Variants in IGDCC4 observed in about 807,000 individuals in gnomAD.
IGDCC4 encodes likely ortholog of mouse neighbor of Punc E11.
Under a neutral mutation model 116.6 loss-of-function variants are expected in IGDCC4, and 72 were observed. The observed-to-expected ratio is 0.62, with a 90% CI of 0.51 to 0.75. The LOEUF (loss-of-function observed/expected upper bound fraction) is 0.75. Among genes scored for constraint, IGDCC4 ranks in the 30% least tolerant of loss-of-function variants. IGDCC4 has a pLI of 0.00. For missense variants in IGDCC4, 1,501 were observed against 1,662.4 expected (o/e 0.90, Z 1.69); for synonymous variants, 709 against 719.9 (o/e 0.98, Z 0.24).
At position 65,387,541 on chromosome 15, in the gene IGDCC4, CAG is replaced by C. The variant is rs372783513; in HGVS notation, c.2846-887_2846-886del. 1.2e-4 allele frequency among the ~76,000 whole-genome samples: 19 copies of C among 152,152 alleles called. 1 individual carries two copies. The highest frequency in any genetic ancestry group is 4.6e-4 in the African/African-American group (19 of 41,530). On this transcript the variant is annotated intron_variant, in intron 16 of 19. Transcript: ENST00000352385. ...TTTTTTTTTGTATTTTTAGTAGAGACAGAGTTTCACCGTGTTAGCCAGGATGG... is the reference window on the plus strand; with the variant it reads ...TTTTTTTTTGTATTTTTAGTAGAGACAGTTTCACCGTGTTAGCCAGGATGG...
rs2277583 is a variant in IGDCC4 at position 65,393,357 on chromosome 15, G to C, written c.1885+4C>G. On this transcript the variant is annotated splice_donor_region_variant and intron_variant, in intron 10 of 19. Coordinates refer to ENST00000352385, the MANE Select transcript of IGDCC4 (RefSeq NM_020962.3). This position sits in a 1 kb window ranked among gnomAD's most constrained non-coding sequence, Gnocchi z 4.6. ...ACTGTCCTGTCTCTCCTCTAACCCC[G>C]TACCATGGCTCTGGTTGTGCATACT... 6.2e-5 allele frequency: 100 copies of C among 1,606,986 alleles called. No individual in the cohort carries two copies. The highest frequency in any genetic ancestry group is 7.7e-5 in the Non-Finnish European group (90 of 1,176,148).
At chr15:65,410,531 C>T (rs992165899) in intron 2 of IGDCC4, 1 of 597,194 alleles carries the variant, frequency 1.7e-6, no homozygotes, top group African/African-American at 1.9e-5. Context: ...AGCCCCCCTG[C>T]CCAACATCAT....
intron 1 of IGDCC4, among the ~76,000 whole-genome samples, chr15:65,419,163 C>A (rs2063168727): frequency 1.3e-5 from 2 of 151,866 alleles, no homozygotes; most frequent in Non-Finnish European, 2.9e-5. Context: ...CTCAAGCAAT[C>A]CTCCCACTTC....
At position 65,393,047 on chromosome 15, in the gene IGDCC4, C is replaced by T. The variant is rs961370199; in HGVS notation, c.1885+314G>A. 6.6e-6 allele frequency among the ~76,000 whole-genome samples: 1 copy of T among 152,152 alleles called. No homozygotes were observed. The highest frequency in any genetic ancestry group is 6.5e-5 in the Admixed American group (1 of 15,274). ...AAACAATCATCATCACCATCATCCT[C>T]GAAGCAGCTACAATTCAATGAGTTT... On this transcript the variant is annotated intron_variant, in intron 10 of 19. Transcript: ENST00000352385. The surrounding 1 kb of genome is among the most constrained non-coding windows in gnomAD (Gnocchi z 4.6).
At chr15:65,410,599 A>G (rs2063081883) in intron 2 of IGDCC4, 1 of 506,542 alleles carries the variant, frequency 2.0e-6, no homozygotes. Flanking sequence ...AAGTTACTTC[A>G]TGGTGATCTG....
At chr15:65,422,681 C>G in intron 1 of IGDCC4, 112 bp downstream of exon 1, 2 of 866,190 alleles carry the variant, frequency 2.3e-6, no homozygotes, top group Non-Finnish European at 3.0e-6. Flanking sequence ...GCGCAGCCCC[C>G]GCACTTGCTC....
intron 16 of IGDCC4, among the ~76,000 whole-genome samples, chr15:65,388,169 G>T (rs2091478987): frequency 6.6e-6 from 1 of 151,918 alleles, no homozygotes; most frequent in African/African-American, 2.4e-5. Flanking sequence ...GCTTGAACCT[G>T]GGAGGCGGAG....
intron 3 of IGDCC4, among the ~76,000 whole-genome samples, chr15:65,408,612 A>C (rs180803410): frequency 5.9e-5 from 9 of 152,242 alleles, no homozygotes; most frequent in African/African-American, 2.2e-4. Flanking sequence ...GGAGATTTAC[A>C]GGCAGTTTCC....
chr15:65,396,250 C>T (rs2140208073), intron 6 of IGDCC4, 87 bp from the exon 7 acceptor site: 2 of 1,328,478 alleles, frequency 1.5e-6, no homozygotes, highest in East Asian at 5.8e-5. Flanking sequence ...TGCCCCCCAC[C>T]GCCCTCCCTC....
Position 65,384,402 on chromosome 15 carries a change from C to A in IGDCC4, c.3360G>T (p.Lys1120Asn), listed in dbSNP as rs753794386. 6.6e-7 allele frequency: 1 copy of A among 1,516,824 alleles called. No individual in the cohort carries two copies. The highest frequency in any genetic ancestry group is 2.2e-5 in the Admixed American group (1 of 46,312). The allele number at this position is 1,516,824 out of a possible 1,614,324, so 94.0% of individuals were successfully genotyped here. A position where few individuals can be genotyped will look rare whatever the true frequency, so the allele number is the denominator to read the frequency against. Residue 1120 changes from lysine to asparagine, a missense_variant, in exon 20 of 20, where the codon AAG becomes AAT. Lys to Asn is a moderately conservative substitution (Grantham distance 94). Around this residue, in one of 3 missense-constraint regions of IGDCC4, gnomAD observed 368 missense variants for 355.6 expected, o/e 1.03. Coordinates refer to ENST00000352385, the MANE Select transcript of IGDCC4 (RefSeq NM_020962.3). This position sits in a 1 kb window ranked among gnomAD's most constrained non-coding sequence, Gnocchi z 4.9. ...YDAIKGNGRK[K>N]SPPACRNQVE... ...CCTGGTTCCTGCAGGCTGGGGGTGA[C>A]TTCTTCCTCCCATTGCCCTGATCAG...
At chr15:65,402,311 C>G (rs1444119477) in intron 4 of IGDCC4, 40 bp downstream of exon 4, 1 of 1,549,644 alleles carries the variant, frequency 6.5e-7, no homozygotes, top group East Asian at 2.4e-5. Context: ...TGGCTGGTTC[C>G]AGAAACCCCC....
intron 3 of IGDCC4, among the ~76,000 whole-genome samples, chr15:65,407,641 C>T (rs2063052339): frequency 6.6e-6 from 1 of 151,208 alleles, no homozygotes; most frequent in Non-Finnish European, 1.5e-5. Context: ...CTGCACCTGG[C>T]CTAAGTTTTG....
chr15:65,419,623 A>C (rs180824038), intron 1 of IGDCC4, among the ~76,000 whole-genome samples: 17 of 152,070 alleles, frequency 1.1e-4, no homozygotes, highest in East Asian at 5.8e-4. Flanking sequence ...CAAATGACTG[A>C]GATTGGCCTC....
Position 65,396,162 on chromosome 15 carries a change from C to T in IGDCC4, c.999G>A (p.Ala333=). The T allele has an allele frequency of 6.7e-7, 1 of 1,492,904 alleles. No homozygotes were observed. The highest frequency in any genetic ancestry group is 8.9e-7 in the Non-Finnish European group (1 of 1,126,912). 92.5% of individuals were successfully genotyped at this position (1,492,904 alleles called of 1,614,324 possible). The change falls in exon 7 of 20, where the codon GCG becomes GCA. Residue 333 remains alanine, a splice_region_variant and synonymous_variant. Coordinates refer to ENST00000352385, the MANE Select transcript of IGDCC4 (RefSeq NM_020962.3). ...ATAAAELRVL[A]APAITQAPEA... The stretch of plus-strand genomic sequence containing the variant: ...CGGGCGCCTGAGTGATGGCGGGAGC[C>T]GCTAGGGGCGCGAGGGGCGACGCTG...
chr15:65,397,064 A>G, intron 5 of IGDCC4, 75 bp from the exon 6 acceptor site: 1 of 1,506,350 alleles, frequency 6.6e-7, no homozygotes, highest in Non-Finnish European at 9.0e-7. Context: ...AACCTCAGGA[A>G]CACTCTGCAC....
At chr15:65,385,736 G>A in intron 18 of IGDCC4, 95 bp downstream of exon 18, 2 of 1,024,166 alleles carry the variant, frequency 2.0e-6, no homozygotes, top group Non-Finnish European at 3.1e-6. Flanking sequence ...GCTCCGAAGA[G>A]GAGGTAGAGC....
chr15:65,404,677 G>GAATGAATGAATGAATGAATGAACAAATT (rs2063023450), intron 3 of IGDCC4, among the ~76,000 whole-genome samples: 1 of 151,942 alleles, frequency 6.6e-6, no homozygotes, highest in Admixed American at 6.6e-5. Flanking sequence ...TTGAGTGAAT[G>GAATGAATGAATGAATGAATGAACAAATT]AATGAATGAA....
At position 65,402,594 on chromosome 15, in the gene IGDCC4, C is replaced by T. The variant is rs553738554; in HGVS notation, c.564-107G>A. 3,342 of 1,397,964 alleles carry T rather than the reference C, an allele frequency of 2.4e-3. 4 individuals are homozygous for T. The highest frequency in any genetic ancestry group is 2.7e-3 in the Non-Finnish European group (2,833 of 1,038,484). The allele number at this position is 1,397,964 out of a possible 1,614,324, so 86.6% of individuals were successfully genotyped here. On this transcript the variant is annotated intron_variant, in intron 3 of 19. Transcript: ENST00000352385. Reference sequence around the variant, plus strand: ...TAAAACTCTAAGATACCAGGCTGGGCGCAGTGGCTCACGCCTATAATCCCA... The same window carrying T: ...TAAAACTCTAAGATACCAGGCTGGGTGCAGTGGCTCACGCCTATAATCCCA...
chr15:65,395,282 A>G (rs2062912357), intron 7 of IGDCC4, 24 bp from the exon 8 acceptor site: 2 of 1,598,030 alleles, frequency 1.3e-6, no homozygotes, highest in South Asian at 2.2e-5. Flanking sequence ...GGACAAGGGG[A>G]CTGTCATAGT....
Sources: allele counts gnomAD v4.1 joint callset (sites outside exome capture counted in the v4.1 genomes callset), GRCh38; gene constraint gnomAD v4.1.1; regional missense constraint gnomAD v4.1.1; non-coding constraint Gnocchi (gnomAD v3.1); transcripts MANE v1.5; gene names NCBI Gene and HGNC (gene_info 2026-07-23, HGNC 2026-07-21).